Variants in SLC13A3 observed in about 807,000 individuals in gnomAD.
The protein encoded by SLC13A3 is Na(+)/dicarboxylate cotransporter 3.
In SLC13A3, 40 loss-of-function variants were observed where a neutral mutation model predicts 59.0. The ratio of observed to expected loss-of-function variants is 0.68; its 90% CI spans 0.53 to 0.88. The LOEUF (loss-of-function observed/expected upper bound fraction) is 0.88. Ranked by LOEUF, SLC13A3 falls within the 40% of genes least tolerant of loss-of-function variation. The probability of loss-of-function intolerance (pLI) is 0.00; values close to 1 mark genes in which losing one functional copy is unlikely to be tolerated. For synonymous variants in SLC13A3, 317 were observed against 330.3 expected (o/e 0.96, Z 0.44); for missense variants, 699 against 783.2 (o/e 0.89, Z 1.28).
rs557946320 is a variant in SLC13A3 at position 46,631,694 on chromosome 20, C to T, written c.112-17969G>A. Among the ~76,000 whole-genome samples, 41 of 152,196 alleles carry T rather than the reference C, an allele frequency of 2.7e-4. 2 individuals are homozygous for T. In the South Asian group the frequency reaches 8.3e-3, roughly 31 times the overall value. On this transcript the variant is annotated intron_variant, in intron 1 of 12. Coordinates refer to ENST00000279027, the MANE Select transcript of SLC13A3 (RefSeq NM_022829.6). Reference sequence around the variant, plus strand: ...TTCTTATAGGAAGCCTTATAATCCCCCCACCAAAGAAATCCCAGCTTCTCA... The same window carrying T: ...TTCTTATAGGAAGCCTTATAATCCCTCCACCAAAGAAATCCCAGCTTCTCA...
At chr20:46,622,688 A>C (rs2062629268) in intron 1 of SLC13A3, among the ~76,000 whole-genome samples, 1 of 150,848 alleles carries the variant, frequency 6.6e-6, no homozygotes, top group African/African-American at 2.4e-5. Flanking sequence ...CATGAATAGC[A>C]ACAAAGTTAC....
At chr20:46,667,094 G>A (rs182860691) in intron 1 of SLC13A3, among the ~76,000 whole-genome samples, 5 of 152,080 alleles carry the variant, frequency 3.3e-5, no homozygotes, top group African/African-American at 9.6e-5. Context: ...ATTTCCCAAC[G>A]GACCCATTCC....
At chr20:46,675,003 G>A (rs2063116109), upstream of SLC13A3, among the ~76,000 whole-genome samples, 1 of 152,138 alleles carries the variant, frequency 6.6e-6, no homozygotes, top group Non-Finnish European at 1.5e-5. Context: ...TGAAGGAAAT[G>A]AGGGAGGCAG....
chr20:46,651,220 T>G, intron 1 of SLC13A3, 91 bp downstream of exon 1: 1 of 1,392,016 alleles, frequency 7.2e-7, no homozygotes, highest in East Asian at 3.0e-5. Context: ...CTGTCTACAC[T>G]GGGACCTCAG....
intron 1 of SLC13A3, among the ~76,000 whole-genome samples, chr20:46,634,099 A>G (rs1011113108): frequency 1.3e-5 from 2 of 152,158 alleles, no homozygotes; most frequent in African/African-American, 2.4e-5. Flanking sequence ...AGCACTTACT[A>G]TGTGTGAGTG....
Position 46,582,942 on chromosome 20 carries a change from T to G in SLC13A3, c.1219+630A>C, listed in dbSNP as rs887348834. ...TGGTTAGAGGTACTCAGTGATTTTT[T>G]AAAAATGGAATCTGAATGCCTTTAG... On this transcript the variant is annotated intron_variant, in intron 9 of 12. Coordinates refer to ENST00000279027, the MANE Select transcript of SLC13A3 (RefSeq NM_022829.6). 3 of 985,254 alleles carry G rather than the reference T, an allele frequency of 3.0e-6. No individual in the cohort carries two copies. The African/African-American group carries it at 5.2e-5, about 17-fold the overall frequency. The allele number at this position is 985,254 out of a possible 1,614,324, so 61.0% of individuals were successfully genotyped here. A position where few individuals can be genotyped will look rare whatever the true frequency, so the allele number is the denominator to read the frequency against.
intron 1 of SLC13A3, among the ~76,000 whole-genome samples, chr20:46,615,687 C>G (rs1017941032): frequency 6.6e-6 from 1 of 152,180 alleles, no homozygotes; most frequent in Non-Finnish European, 1.5e-5. Flanking sequence ...GGGGGAGACA[C>G]ACTGTCACCA....
chr20:46,579,574 G>A (rs776318677), intron 9 of SLC13A3, among the ~76,000 whole-genome samples: 8 of 152,206 alleles, frequency 5.3e-5, no homozygotes, highest in Non-Finnish European at 8.8e-5. Flanking sequence ...GTCACTGGTG[G>A]CCAAAGGACA....
At chr20:46,567,228 T>A (rs539600401) in intron 10 of SLC13A3, among the ~76,000 whole-genome samples, 1 of 152,224 alleles carries the variant, frequency 6.6e-6, no homozygotes, top group Non-Finnish European at 1.5e-5. Context: ...TATACACACA[T>A]ACAGTAATAA....
Position 46,613,300 on chromosome 20 carries a change from G to GAAATAAATAAATAAAT in SLC13A3, c.377+144_377+159dup, listed in dbSNP as rs11472968. ...CAGCAGGTGCTTGCTAAATAGTAGA[G>GAAATAAATAAATAAAT]AAATAAATAAATAAATAAATAAATA... On this transcript the variant is annotated intron_variant, in intron 2 of 12. Transcript: ENST00000279027. Among the ~76,000 whole-genome samples, 839 of 146,162 alleles carry GAAATAAATAAATAAAT rather than the reference G, an allele frequency of 5.7e-3. 4 individuals are homozygous for GAAATAAATAAATAAAT. The highest frequency in any genetic ancestry group is 7.3e-3 in the East Asian group (36 of 4,918).
chr20:46,560,323 G>C lies in SLC13A3; in HGVS notation c.1633-125C>G. The C allele has an allele frequency of 3.5e-6, 3 of 853,772 alleles. No homozygotes were observed. In the Middle Eastern group the frequency reaches 7.2e-4, roughly 205 times the overall value. The allele number at this position is 853,772 out of a possible 1,614,324, so 52.9% of individuals were successfully genotyped here. ...CACAGCCAGGAAGTGATGGAGCCAG[G>C]ACACAGACCCAGGTCGGTAAATGCC... On this transcript the variant is annotated intron_variant, in intron 12 of 12. Transcript: ENST00000279027.
At chr20:46,599,946 T>C (rs757321662) in intron 4 of SLC13A3, 25 bp downstream of exon 4, 4 of 1,540,902 alleles carry the variant, frequency 2.6e-6, no homozygotes, top group South Asian at 2.4e-5. Flanking sequence ...CACTGGGTCC[T>C]CTATGAATTT....
At chr20:46,674,493 G>T (rs566504588), upstream of SLC13A3, among the ~76,000 whole-genome samples, 53 of 152,128 alleles carry the variant, frequency 3.5e-4, no homozygotes, top group Non-Finnish European at 1.5e-4. Context: ...TTGATCGGCA[G>T]CAGACCCCCA....
chr20:46,623,500 G>T (rs1172387565), intron 1 of SLC13A3, among the ~76,000 whole-genome samples: 1 of 152,012 alleles, frequency 6.6e-6, no homozygotes, highest in Non-Finnish European at 1.5e-5. Context: ...CAAGTAGCTG[G>T]GATGACAGGC....
At chr20:46,626,121 C>CTCTCTCTCTCTG (rs750513521) in intron 1 of SLC13A3, among the ~76,000 whole-genome samples, 1 of 144,530 alleles carries the variant, frequency 6.9e-6, no homozygotes, top group African/African-American at 2.7e-5. Context: ...CTCTCTCTCT[C>CTCTCTCTCTCTG]TGTCTCTCTC....
At chr20:46,632,931 CT>C (rs1445304189) in intron 1 of SLC13A3, among the ~76,000 whole-genome samples, 1 of 34,614 alleles carries the variant, frequency 2.9e-5, no homozygotes, top group Non-Finnish European at 6.4e-5. Context: ...ATCTATCTAT[CT>C]ATCTATCTAT....
intron 9 of SLC13A3, among the ~76,000 whole-genome samples, chr20:46,576,094 C>T (rs918653575): frequency 1.1e-4 from 17 of 151,608 alleles, no homozygotes; most frequent in South Asian, 2.1e-4. Context: ...TTTTGAGCCC[C>T]GAAATGATGG....
intron 8 of SLC13A3, 33 bp from the exon 9 acceptor site, chr20:46,583,702 T>C (rs1165794611): frequency 6.2e-7 from 1 of 1,613,244 alleles, no homozygotes; most frequent in African/African-American, 1.3e-5. Flanking sequence ...CACGTGACCA[T>C]GGGCATCTCA....
At chr20:46,566,490 TCC>T in intron 10 of SLC13A3, 100 bp from the exon 11 acceptor site, 3 of 1,361,774 alleles carry the variant, frequency 2.2e-6, no homozygotes, top group Non-Finnish European at 2.0e-6. Context: ...CCATACCCCT[TCC>T]CAGATGGGGA....
Sources: gnomAD v4.1 joint callset for allele counts (sites outside exome capture counted in the v4.1 genomes callset) on GRCh38, gnomAD v4.1.1 for gene constraint, MANE v1.5 for transcripts, NCBI Gene and HGNC (gene_info 2026-07-23, HGNC 2026-07-21) for gene names.